SNRPA1: variants seen among roughly 807,000 people sequenced by gnomAD.
The protein encoded by SNRPA1 is U2 small nuclear ribonucleoprotein A'.
In SNRPA1, 5 loss-of-function variants were observed where a neutral mutation model predicts 32.3. The observed-to-expected ratio is 0.15, with a 90% CI of 0.08 to 0.33. The LOEUF (loss-of-function observed/expected upper bound fraction) is 0.33, where lower values mean the gene tolerates loss of function less well. Ranked by LOEUF, SNRPA1 falls within the 10% of genes least tolerant of loss-of-function variation. SNRPA1 has a pLI of 1.00. For synonymous variants in SNRPA1, 111 were observed against 120.1 expected (o/e 0.92, Z 0.50); for missense variants, 198 against 311.1 (o/e 0.64, Z 2.74).
Position 101,287,688 on chromosome 15 carries a change from A to G in SNRPA1, c.324T>C (p.Pro108=), listed in dbSNP as rs1483955162. 6 of 1,613,764 alleles carry G rather than the reference A, an allele frequency of 3.7e-6. No individual in the cohort carries two copies. Among genetic ancestry groups the G allele is most frequent in the East Asian group, 2.2e-5 (1 of 44,900 alleles). ...AAGTCAGCGATTTGAGAGATGCCAG[A>G]GGGTCCAGATCACCCTGTCAAGCAA... ...NSLVELGDLD[P]LASLKSLTYL... is the part of the protein sequence containing the mutation. Residue 108 remains proline, a synonymous_variant, in exon 4 of 9, where the codon CCT becomes CCC. Transcript: ENST00000254193.
intron 1 of SNRPA1, 27 bp downstream of exon 1, chr15:101,295,070 A>T: frequency 2.1e-6 from 3 of 1,403,900 alleles, no homozygotes; most frequent in Non-Finnish European, 2.8e-6. Context: ...CCGCCTGGGG[A>T]CTGGCCGCCC....
chr15:101,287,056 G>C, intron 4 of SNRPA1, 46 bp from the exon 5 acceptor site: 1 of 982,936 alleles, frequency 1.0e-6, no homozygotes. Flanking sequence ...TCATGGCACA[G>C]CACTCAAGAG....
intron 7 of SNRPA1, 90 bp downstream of exon 7, chr15:101,285,636 C>A: frequency 1.2e-6 from 1 of 859,378 alleles, no homozygotes; most frequent in Non-Finnish European, 1.9e-6. Flanking sequence ...AAAATGAAAT[C>A]TGCAATGTTC....
chr15:101,285,981 G>A (rs2039450453), intron 6 of SNRPA1, 180 bp from the exon 7 acceptor site: 1 of 630,490 alleles, frequency 1.6e-6, no homozygotes, highest in Non-Finnish European at 2.8e-6. Flanking sequence ...ATAGAAAATA[G>A]GATGTACATG....
chr15:101,286,464 A>T (rs746628408), intron 5 of SNRPA1, 171 bp from the exon 6 acceptor site: 2 of 547,210 alleles, frequency 3.7e-6, no homozygotes, highest in Non-Finnish European at 6.4e-6. Context: ...TCTTTGGTAG[A>T]GCTCCCTGAA....
At chr15:101,286,535 G>A in intron 5 of SNRPA1, 1 of 500,782 alleles carries the variant, frequency 2.0e-6, no homozygotes, top group Non-Finnish European at 3.5e-6. Context: ...GCAATTAAAT[G>A]AATAATAAAA....
At chr15:101,285,828 T>C (rs1473486109) in intron 6 of SNRPA1, 27 bp from the exon 7 acceptor site, 2 of 1,561,186 alleles carry the variant, frequency 1.3e-6, no homozygotes, top group African/African-American at 1.4e-5. Context: ...ACATAACTGT[T>C]AGACCTAGAC....
intron 8 of SNRPA1, among the ~76,000 whole-genome samples, chr15:101,283,544 C>T (rs375968963): frequency 1.2e-4 from 18 of 152,096 alleles, no homozygotes; most frequent in African/African-American, 2.7e-4. Context: ...ATAGCCTGGG[C>T]GACAGAGCGA....
chr15:101,286,036 T>A lies in SNRPA1; in HGVS notation c.539+178A>T, dbSNP rs764179496. 1.2e-4 allele frequency: 76 copies of A among 648,580 alleles called. No homozygotes were observed. Among genetic ancestry groups the A allele is most frequent in the Middle Eastern group, 4.2e-4 (1 of 2,370 alleles). The allele number at this position is 648,580 out of a possible 1,614,324, so 40.2% of individuals were successfully genotyped here. On this transcript the variant is annotated intron_variant, in intron 6 of 8. Coordinates refer to ENST00000254193, the MANE Select transcript of SNRPA1 (RefSeq NM_003090.4). ...TACTGAAATATTTGCTCTGCTAAGC[T>A]GGTAGAAATTTCTTGTGATGTGTGG...
At chr15:101,283,434 C>T (rs12438426) in intron 8 of SNRPA1, among the ~76,000 whole-genome samples, 42,541 of 151,384 alleles carry the variant, frequency 0.28, 6,579 homozygotes, top group Middle Eastern at 0.37. Flanking sequence ...TGCTTGGTGG[C>T]GGGCGCCTGT....
chr15:101,286,628 A>T (rs1193251756), intron 5 of SNRPA1: 3 of 458,072 alleles, frequency 6.5e-6, no homozygotes, highest in Non-Finnish European at 1.2e-5. Context: ...TCCGCTGGGA[A>T]CGTATCTAGG....
intron 2 of SNRPA1, 53 bp downstream of exon 2, chr15:101,292,972 C>A: frequency 7.7e-7 from 1 of 1,301,158 alleles, no homozygotes; most frequent in Admixed American, 2.3e-5. Flanking sequence ...CTTCAGGAAA[C>A]ACTGCAACAT....
At chr15:101,284,693 G>A in intron 8 of SNRPA1, 1 of 272,826 alleles carries the variant, frequency 3.7e-6, no homozygotes, top group African/African-American at 2.2e-5. Flanking sequence ...GTAGAGATGG[G>A]GTTTCTCCAT....
At chr15:101,281,844 C>T in intron 8 of SNRPA1, 62 bp from the exon 9 acceptor site, 1 of 1,498,544 alleles carries the variant, frequency 6.7e-7, no homozygotes, top group Non-Finnish European at 9.3e-7. Context: ...CCTTAGCATG[C>T]AAGTGTTTGT....
intron 3 of SNRPA1, chr15:101,289,931 A>AAAAAAAAAAAAAAAAAC: frequency 6.6e-6 from 1 of 151,020 alleles, no homozygotes; most frequent in South Asian, 2.1e-4. Flanking sequence ...ATCTCAAAAA[A>AAAAAAAAAAAAAAAAAC]AAAAAAAAAA....
In SNRPA1 at chr15:101,291,986, G is replaced by A. The variant is rs779508628; in HGVS notation, c.285C>T (p.Leu95=). Residue 95 remains leucine (L), a synonymous_variant, in exon 3 of 9, where the codon CTC becomes CTT. Coordinates refer to ENST00000254193, the MANE Select transcript of SNRPA1 (RefSeq NM_003090.4). ...QALPCLTELI[L]TNNSLVELGD... ...CCAGTTCCACGAGACTATTATTGGT[G>A]AGAATGAGTTCTGTCAGACAGGGCA... is the stretch of plus-strand genomic sequence containing the variant. 2.5e-6 allele frequency: 4 copies of A among 1,612,314 alleles called. No homozygotes were observed. The highest frequency in any genetic ancestry group is 2.7e-5 in the African/African-American group (2 of 74,882).
chr15:101,282,593 A>G (rs1264484235), intron 8 of SNRPA1, among the ~76,000 whole-genome samples: 1 of 152,352 alleles, frequency 6.6e-6, no homozygotes, highest in East Asian at 1.9e-4. Flanking sequence ...TGAACTTTTC[A>G]TACTCTTACT....
At chr15:101,282,661 G>A (rs1192142783) in intron 8 of SNRPA1, among the ~76,000 whole-genome samples, 1 of 151,952 alleles carries the variant, frequency 6.6e-6, no homozygotes, top group Non-Finnish European at 1.5e-5. Context: ...GTATCATTTG[G>A]AAAACTGTGG....
At chr15:101,285,864 T>C in intron 6 of SNRPA1, 63 bp from the exon 7 acceptor site, 1 of 1,291,956 alleles carries the variant, frequency 7.7e-7, no homozygotes, top group Non-Finnish European at 1.1e-6. Context: ...CTCTTTTACT[T>C]TCAAAAGCTT....
Sources: allele counts gnomAD v4.1 joint callset (sites outside exome capture counted in the v4.1 genomes callset), GRCh38; gene constraint gnomAD v4.1.1; transcripts MANE v1.5; gene names NCBI Gene and HGNC (gene_info 2026-07-23, HGNC 2026-07-21).